Variants in TMPRSS9 observed in about 807,000 individuals in gnomAD.
TMPRSS9 encodes transmembrane protease serine 9.
In TMPRSS9, 113 loss-of-function variants were observed where a neutral mutation model predicts 111.4. The ratio of observed to expected loss-of-function variants is 1.01; its 90% CI spans 0.87 to 1.19. The LOEUF is 1.19. TMPRSS9 is among the 50% of genes most tolerant of loss of function. The probability of loss-of-function intolerance (pLI) is 0.00; values close to 1 mark genes in which losing one functional copy is unlikely to be tolerated. For missense variants in TMPRSS9, 1,803 were observed against 1,513.1 expected, an observed-to-expected ratio of 1.19 and a Z score of -3.18; for synonymous variants, 805 against 659.1, an observed-to-expected ratio of 1.22 and a Z score of -3.39.
At chr19:2,407,602 TC>T (rs1970994257) in intron 7 of TMPRSS9, among the ~76,000 whole-genome samples, 1 of 130,944 alleles carries the variant, frequency 7.6e-6, no homozygotes, top group Non-Finnish European at 1.6e-5. Flanking sequence ...TTTTTTCTTT[TC>T]TTTTCTTTTT....
At chr19:2,382,370 G>A (rs7260028) in intron 1 of TMPRSS9, among the ~76,000 whole-genome samples, 59,156 of 151,876 alleles carry the variant, frequency 0.39, 11,976 homozygotes, top group East Asian at 0.6. Context: ...GACATCAGGC[G>A]ATCCTCCCAC....
intron 1 of TMPRSS9, among the ~76,000 whole-genome samples, chr19:2,374,401 C>T (rs139165244): frequency 0.099 from 14,984 of 150,760 alleles, 1,211 homozygotes; most frequent in East Asian, 0.26. Flanking sequence ...GGTGAAACCC[C>T]GTCTCTACTA....
At chr19:2,367,876 A>G (rs1391513220) in intron 1 of TMPRSS9, among the ~76,000 whole-genome samples, 1 of 151,510 alleles carries the variant, frequency 6.6e-6, no homozygotes, top group African/African-American at 2.4e-5. Context: ...ATGACTGGCT[A>G]ATTTTTGTAT....
intron 1 of TMPRSS9, among the ~76,000 whole-genome samples, chr19:2,383,940 C>G (rs1381808558): frequency 2.0e-5 from 3 of 152,102 alleles, no homozygotes. Flanking sequence ...CCCAGGGACA[C>G]ACTTAGGCTA....
upstream of TMPRSS9, among the ~76,000 whole-genome samples, chr19:2,385,014 G>A (rs116302596): frequency 3.9e-3 from 593 of 150,868 alleles, 3 homozygotes; most frequent in African/African-American, 0.014. Flanking sequence ...AAGCCCAGGC[G>A]CGGTGGCCTA....
At chr19:2,378,170 A>G (rs908171027) in intron 1 of TMPRSS9, among the ~76,000 whole-genome samples, 1 of 152,144 alleles carries the variant, frequency 6.6e-6, no homozygotes, top group Non-Finnish European at 1.5e-5. Flanking sequence ...ATGAGCTGCC[A>G]CACCTGACCC....
intron 9 of TMPRSS9, 113 bp downstream of exon 10, chr19:2,410,507 A>G: frequency 7.1e-7 from 1 of 1,409,578 alleles, no homozygotes. Flanking sequence ...CCAACGCCCC[A>G]GACCCCAGAA....
intron 7 of TMPRSS9, among the ~76,000 whole-genome samples, chr19:2,407,608 C>CTTTTTTTTTTTTTTTT (rs71178273): frequency 2.0e-5 from 2 of 98,404 alleles, no homozygotes; most frequent in Non-Finnish European, 4.1e-5. Context: ...CTTTTCTTTT[C>CTTTTTTTTTTTTTTTT]TTTTTTTTTT....
intron 14 of TMPRSS9, among the ~76,000 whole-genome samples, chr19:2,423,283 T>C (rs1384484173): frequency 6.6e-6 from 1 of 151,788 alleles, no homozygotes; most frequent in East Asian, 1.9e-4. Context: ...CCCCTCAAAA[T>C]ACAGGCGGGT....
At chr19:2,426,133 G>A (rs771728704) in exon 18 of TMPRSS9, 1 of 1,502,658 alleles carries the variant, frequency 6.7e-7, no homozygotes, top group South Asian at 1.2e-5. Flanking sequence ...GAAAGCAACA[G>A]GAGCAGCAGG....
intron 1 of TMPRSS9, among the ~76,000 whole-genome samples, chr19:2,372,390 C>T (rs1372603085): frequency 6.6e-6 from 1 of 152,094 alleles, no homozygotes; most frequent in Admixed American, 6.6e-5. Flanking sequence ...AATGATGCCT[C>T]TTCTTGTCAA....
intron 13 of TMPRSS9, among the ~76,000 whole-genome samples, chr19:2,421,278 ATTG>A (rs1276357356): frequency 6.6e-6 from 1 of 150,664 alleles, no homozygotes; most frequent in East Asian, 2.0e-4. Context: ...CATGGCTGTT[ATTG>A]TTGTTATTTA....
intron 12 of TMPRSS9, 140 bp from the exon 14 acceptor site, chr19:2,417,862 G>C: frequency 8.2e-7 from 1 of 1,217,416 alleles, no homozygotes; most frequent in Non-Finnish European, 1.2e-6. Flanking sequence ...GTGGCTTTGT[G>C]AGATTCCTGC....
At chr19:2,402,906 G>T (rs1191989599) in intron 5 of TMPRSS9, among the ~76,000 whole-genome samples, 176 bp from the exon 7 acceptor site, 2 of 152,078 alleles carry the variant, frequency 1.3e-5, no homozygotes, top group Non-Finnish European at 2.9e-5. Flanking sequence ...CTCCCGTTTG[G>T]GTAACAGAGC....
At chr19:2,362,341 G>A (rs1970207388) in intron 1 of TMPRSS9, among the ~76,000 whole-genome samples, 1 of 152,014 alleles carries the variant, frequency 6.6e-6, no homozygotes, top group Non-Finnish European at 1.5e-5. Flanking sequence ...ATTGTGTGTG[G>A]TTGTGCGAGA....
chr19:2,422,080 C>A, exon 14 of TMPRSS9: 1 of 1,609,002 alleles, frequency 6.2e-7, no homozygotes, highest in Non-Finnish European at 8.5e-7. Flanking sequence ...AGGACGACAG[C>A]TGGCCTCACA....
At chr19:2,368,774 G>GTTTTTTTTTGT (rs1970266134) in intron 1 of TMPRSS9, among the ~76,000 whole-genome samples, 4 of 70,366 alleles carry the variant, frequency 5.7e-5, no homozygotes, top group Non-Finnish European at 1.0e-4. Flanking sequence ...GATAAACCCA[G>GTTTTTTTTTGT]TTTTTTTTTT....
intron 1 of TMPRSS9, among the ~76,000 whole-genome samples, chr19:2,367,765 GT>G (rs1568465186): frequency 2.0e-5 from 3 of 151,650 alleles, no homozygotes; most frequent in African/African-American, 4.9e-5. Flanking sequence ...GGGTTTCACT[GT>G]GTTAGCCAGG....
At chr19:2,421,818 TG>T in intron 13 of TMPRSS9, 35 bp from the exon 15 acceptor site, 1 of 1,552,618 alleles carries the variant, frequency 6.4e-7, no homozygotes, top group South Asian at 1.2e-5. Flanking sequence ...AGAGGGTCCC[TG>T]GAGGACCAAC....
Sources: gnomAD v4.1 joint callset for allele counts (sites outside exome capture counted in the v4.1 genomes callset) on GRCh38, gnomAD v4.1.1 for gene constraint, MANE v1.5 for transcripts, NCBI Gene and HGNC (gene_info 2026-07-23, HGNC 2026-07-21) for gene names.